The following NCR1 variants were observed in gnomAD, a reference collection of about 807,000 sequenced individuals.
NCR1 encodes the protein NK cell-activating receptor.
Under a neutral mutation model 32.5 loss-of-function variants are expected in NCR1, and 30 were observed. That is an observed-to-expected ratio of 0.92 (90% CI 0.69 to 1.25). The LOEUF is 1.25. Among genes scored for constraint, NCR1 ranks in the 50% most tolerant of loss-of-function variants. NCR1 has a pLI of 0.00. For missense variants in NCR1, 369 were observed against 380.7 expected, an observed-to-expected ratio of 0.97 and a Z score of 0.26; for synonymous variants, 169 against 143.4, an observed-to-expected ratio of 1.18 and a Z score of -1.28.
At chr19:54,937,125 G>A in the NCR1 span, among the ~76,000 whole-genome samples, 1 of 151,712 alleles carries the variant, frequency 6.6e-6, no homozygotes, top group Non-Finnish European at 1.5e-5. Flanking sequence ...GGCTGAGGCA[G>A]GAGAATGGCA....
At chr19:54,927,982 C>A in the NCR1 span, among the ~76,000 whole-genome samples, 12 of 152,228 alleles carry the variant, frequency 7.9e-5, no homozygotes, top group Non-Finnish European at 2.9e-5. Flanking sequence ...AGCCCCAGCA[C>A]CTTGGGAGGC....
chr19:54,930,348 G>C, the NCR1 span: 1 of 648,128 alleles, frequency 1.5e-6, no homozygotes, highest in Non-Finnish European at 2.8e-6. Flanking sequence ...TGTAGAGCCA[G>C]CTACTCAGGA....
the NCR1 span, among the ~76,000 whole-genome samples, chr19:54,921,347 G>C: frequency 3.3e-5 from 5 of 152,126 alleles, no homozygotes; most frequent in Admixed American, 6.6e-5. Context: ...CAGTGATCTC[G>C]AGCATTTGAG....
chr19:54,909,451 T>C lies in NCR1; in HGVS notation c.562T>C (p.Tyr188His). The C allele has an allele frequency of 1.2e-6, 2 of 1,612,646 alleles. No homozygotes were observed. Among genetic ancestry groups the C allele is most frequent in the South Asian group, 2.2e-5 (2 of 91,080 alleles). ...TGTGACCACAGCCCACAGAGGGACA[T>C]ACCGATGTTTTGGCTCCTATAACAA... ...GPVTTAHRGT[Y>H]RCFGSYNNHA... Residue 188 changes from tyrosine to histidine, a missense_variant, in exon 4 of 7, where the codon TAC (tyrosine) becomes CAC (histidine). Physicochemically the swap from Tyr to His is moderately conservative, Grantham distance 83. Coordinates refer to ENST00000291890, the MANE Select transcript of NCR1 (RefSeq NM_004829.7).
chr19:54,912,090 G>A, intron 5 of NCR1, 78 bp from the exon 6 acceptor site: 4 of 1,261,576 alleles, frequency 3.2e-6, no homozygotes, highest in Non-Finnish European at 3.5e-6. Flanking sequence ...AGAACGTCAT[G>A]GGGTAGACCC....
At chr19:54,937,000 C>T in the NCR1 span, among the ~76,000 whole-genome samples, 37 of 151,452 alleles carry the variant, frequency 2.4e-4, no homozygotes, top group Admixed American at 1.7e-3. Context: ...GGGTGGATCA[C>T]GAGGTCAGGA....
At chr19:54,924,674 G>A in the NCR1 span, among the ~76,000 whole-genome samples, 3 of 151,368 alleles carry the variant, frequency 2.0e-5, no homozygotes, top group Admixed American at 1.3e-4. Flanking sequence ...GGTGACTCAC[G>A]CCTATAATTC....
the NCR1 span, chr19:54,933,847 A>G: frequency 7.3e-6 from 7 of 959,856 alleles, no homozygotes; most frequent in Non-Finnish European, 1.2e-5. Context: ...CTTCCTGTTC[A>G]TCCCCTGCCC....
At chr19:54,919,641 C>T (rs1424446211), downstream of NCR1, among the ~76,000 whole-genome samples, 3 of 151,592 alleles carry the variant, frequency 2.0e-5, no homozygotes, top group Non-Finnish European at 2.9e-5. Flanking sequence ...TGCGGGCGAG[C>T]CTGACTGATG....
the NCR1 span, among the ~76,000 whole-genome samples, chr19:54,932,553 C>T: frequency 1.1e-4 from 16 of 152,300 alleles, no homozygotes; most frequent in East Asian, 1.9e-4. Context: ...AGGTAGCTCA[C>T]GCTGGGCTTC....
intron 3 of NCR1, among the ~76,000 whole-genome samples, chr19:54,907,164 A>C (rs1406671464): frequency 2.2e-5 from 3 of 134,096 alleles, no homozygotes; most frequent in Non-Finnish European, 4.8e-5. Flanking sequence ...TTTTTTTTTT[A>C]TCTGTTTTGA....
chr19:54,903,598 A>C (rs587726015), upstream of NCR1, among the ~76,000 whole-genome samples: 5 of 149,392 alleles, frequency 3.3e-5, no homozygotes, highest in Non-Finnish European at 7.4e-5. Context: ...ATGTATGTGT[A>C]TATATGCATG....
chr19:54,936,160 C>G, the NCR1 span: 1 of 1,017,142 alleles, frequency 9.8e-7, no homozygotes. Flanking sequence ...CATTCCCTGT[C>G]TGGGACGGCA....
At chr19:54,907,540 T>C (rs1407335434) in intron 3 of NCR1, among the ~76,000 whole-genome samples, 1 of 150,306 alleles carries the variant, frequency 6.7e-6, no homozygotes, top group African/African-American at 2.4e-5. Context: ...GTATTATACA[T>C]AGTTACATAT....
At chr19:54,933,354 C>T in the NCR1 span, among the ~76,000 whole-genome samples, 2 of 152,138 alleles carry the variant, frequency 1.3e-5, no homozygotes, top group South Asian at 2.1e-4. Flanking sequence ...ACCATGTTAA[C>T]CAGGATGGTC....
the NCR1 span, among the ~76,000 whole-genome samples, chr19:54,900,227 T>C: frequency 6.6e-6 from 1 of 152,170 alleles, no homozygotes; most frequent in Non-Finnish European, 1.5e-5. Flanking sequence ...AGGATTTGTG[T>C]GAGCAACAAG....
the NCR1 span, among the ~76,000 whole-genome samples, chr19:54,899,893 C>A: frequency 6.6e-6 from 1 of 152,066 alleles, no homozygotes; most frequent in Non-Finnish European, 1.5e-5. Flanking sequence ...GTTTTGGGTC[C>A]ACGAATAAAG....
chr19:54,912,746 C>T lies in NCR1; in HGVS notation c.790C>T (p.Leu264=). The T allele has an allele frequency of 6.2e-7, 1 of 1,613,310 alleles. No homozygotes were observed. The highest frequency in any genetic ancestry group is 1.7e-5 in the Admixed American group (1 of 59,900). The change falls in exon 7 of 7, where the codon CTA becomes TTA. Residue 264 remains leucine (L), a synonymous_variant. Coordinates refer to ENST00000291890, the MANE Select transcript of NCR1 (RefSeq NM_004829.7). ...QNLLRMGLAF[L]VLVALVWFLV... ...TCTCCTTCGGATGGGCCTGGCCTTTCTAGTCCTGGTGGCTCTAGTGTGGTT... is the reference window on the plus strand; with the variant it reads ...TCTCCTTCGGATGGGCCTGGCCTTTTTAGTCCTGGTGGCTCTAGTGTGGTT...
chr19:54,921,789 A>G, the NCR1 span, among the ~76,000 whole-genome samples: 4 of 151,548 alleles, frequency 2.6e-5, no homozygotes, highest in Non-Finnish European at 5.9e-5. Flanking sequence ...AAAAAAAAAA[A>G]AAAAAAGAAA....
Sources: gnomAD v4.1 joint callset for allele counts (sites outside exome capture counted in the v4.1 genomes callset) on GRCh38, gnomAD v4.1.1 for gene constraint, MANE v1.5 for transcripts, NCBI Gene and HGNC (gene_info 2026-07-23, HGNC 2026-07-21) for gene names.